Variants in PARD3B observed in about 807,000 individuals in gnomAD.
The protein encoded by PARD3B is par-3 family cell polarity regulator beta.
Under a neutral mutation model 130.2 loss-of-function variants are expected in PARD3B, and 103 were observed. That is an observed-to-expected ratio of 0.79 (90% confidence interval 0.67 to 0.93). PARD3B has a LOEUF of 0.93. Ranked by LOEUF, PARD3B falls within the 40% of genes least tolerant of loss-of-function variation. The pLI, the probability that PARD3B is intolerant of heterozygous loss-of-function variation, is 0.00. For synonymous variants in PARD3B, 583 were observed against 553.2 expected, an observed-to-expected ratio of 1.05 and a Z score of -0.76; for missense variants, 1,609 against 1,499.2, an observed-to-expected ratio of 1.07 and a Z score of -1.21.
intron 4 of PARD3B, among the ~76,000 whole-genome samples, chr2:205,058,376 A>G (rs759877977): frequency 1.3e-4 from 19 of 151,980 alleles, no homozygotes; most frequent in Non-Finnish European, 2.7e-4. Context: ...CATTTTACCT[A>G]ATATGAAAAA....
At chr2:205,579,304 A>G (rs558583212) in intron 22 of PARD3B, among the ~76,000 whole-genome samples, 1 of 152,336 alleles carries the variant, frequency 6.6e-6, no homozygotes, top group East Asian at 1.9e-4. Flanking sequence ...CTATTGTGGC[A>G]TCATCAGCTT....
chr2:204,650,074 C>G (rs1352435881), intron 1 of PARD3B, among the ~76,000 whole-genome samples: 2 of 151,750 alleles, frequency 1.3e-5, no homozygotes, highest in Non-Finnish European at 2.9e-5. Flanking sequence ...GAAAAAAAAC[C>G]CATTAAAAAG....
intron 1 of PARD3B, among the ~76,000 whole-genome samples, chr2:204,653,917 A>G (rs1362984465): frequency 6.6e-6 from 1 of 151,292 alleles, no homozygotes; most frequent in Non-Finnish European, 1.5e-5. Flanking sequence ...TCTGATGACA[A>G]CGTACACTAT....
chr2:204,612,895 T>A (rs1431276751), intron 1 of PARD3B, among the ~76,000 whole-genome samples: 2 of 152,148 alleles, frequency 1.3e-5, no homozygotes, highest in African/African-American at 4.8e-5. Flanking sequence ...AGTTCTTTTT[T>A]ATTTTTTCTT....
At chr2:204,691,975 A>C (rs923099934) in intron 2 of PARD3B, among the ~76,000 whole-genome samples, 1 of 152,158 alleles carries the variant, frequency 6.6e-6, no homozygotes, top group East Asian at 1.9e-4. Context: ...ATTTGGTAAC[A>C]TAAGGAGCAT....
chr2:204,786,113 C>CAAAA (rs56704816), intron 2 of PARD3B, among the ~76,000 whole-genome samples: 24 of 94,006 alleles, frequency 2.6e-4, no homozygotes, highest in Non-Finnish European at 4.4e-4. Context: ...GACTCCATCT[C>CAAAA]AAAAAAAAAA....
chr2:204,897,317 C>T (rs937658212), intron 2 of PARD3B, among the ~76,000 whole-genome samples: 2 of 149,722 alleles, frequency 1.3e-5, no homozygotes, highest in Non-Finnish European at 1.5e-5. Context: ...GGTAAAAAGT[C>T]GCATAAATTG....
At position 205,256,191 on chromosome 2, in the gene PARD3B, A is replaced by T. The variant is rs984651291; in HGVS notation, c.2185+10369A>T. On this transcript the variant is annotated intron_variant, in intron 16 of 22. Transcript: ENST00000406610. ...AGATCCCTCTCAGGATGTTTTTTTTAAAAAAATCTCCTTTGATCAATAGTC... is the reference window on the plus strand; with the variant it reads ...AGATCCCTCTCAGGATGTTTTTTTTTAAAAAATCTCCTTTGATCAATAGTC... 3.0e-4 allele frequency among the ~76,000 whole-genome samples: 45 copies of T among 151,894 alleles called. 1 individual carries two copies. The highest frequency in any genetic ancestry group is 1.4e-3 in the East Asian group (7 of 5,184).
At chr2:205,084,417 A>G (rs1451598067) in intron 4 of PARD3B, among the ~76,000 whole-genome samples, 1 of 151,998 alleles carries the variant, frequency 6.6e-6, no homozygotes, top group Non-Finnish European at 1.5e-5. Context: ...CTTACTACTT[A>G]TTTGAATCCC....
chr2:204,862,152 C>T (rs191660453), intron 2 of PARD3B, among the ~76,000 whole-genome samples: 72 of 152,162 alleles, frequency 4.7e-4, no homozygotes, highest in East Asian at 1.9e-3. Flanking sequence ...TTTTAGTCTA[C>T]GTATGATATC....
intron 3 of PARD3B, among the ~76,000 whole-genome samples, chr2:205,030,057 A>C (rs892042114): frequency 2.0e-4 from 30 of 152,276 alleles, no homozygotes; most frequent in African/African-American, 7.0e-4. Flanking sequence ...ATGCATCTTT[A>C]CTCTGTAATA....
chr2:204,931,918 T>C (rs539350231), intron 2 of PARD3B, among the ~76,000 whole-genome samples: 2 of 152,206 alleles, frequency 1.3e-5, no homozygotes, highest in East Asian at 1.9e-4. Flanking sequence ...ATTGCTTTGT[T>C]TTTTAAAGAC....
At chr2:205,433,986 A>G (rs1362978219) in intron 19 of PARD3B, among the ~76,000 whole-genome samples, 1 of 152,218 alleles carries the variant, frequency 6.6e-6, no homozygotes, top group East Asian at 1.9e-4. Context: ...GATTTTTGGT[A>G]AACATATGTC....
chr2:205,423,541 C>A (rs1159056930), intron 19 of PARD3B, among the ~76,000 whole-genome samples: 1 of 152,214 alleles, frequency 6.6e-6, no homozygotes, highest in African/African-American at 2.4e-5. Flanking sequence ...TATATGGTTT[C>A]TCCAGAACAA....
At chr2:204,691,014 A>T (rs1247581861) in intron 2 of PARD3B, among the ~76,000 whole-genome samples, 1 of 152,084 alleles carries the variant, frequency 6.6e-6, no homozygotes, top group Non-Finnish European at 1.5e-5. Context: ...TGTAGAAATT[A>T]TTTCAAAGTC....
chr2:204,679,059 G>A (rs754099468), intron 1 of PARD3B, among the ~76,000 whole-genome samples: 1 of 152,232 alleles, frequency 6.6e-6, no homozygotes, highest in East Asian at 1.9e-4. Context: ...AAAGGTGCTT[G>A]TTTTGTATTT....
intron 1 of PARD3B, among the ~76,000 whole-genome samples, chr2:204,592,826 GT>G (rs2033132779): frequency 6.6e-6 from 1 of 152,056 alleles, no homozygotes; most frequent in African/African-American, 2.4e-5. Flanking sequence ...GGTACTTTTG[GT>G]CCCTATGAAG....
At chr2:205,360,914 AT>A (rs1006632160) in intron 18 of PARD3B, among the ~76,000 whole-genome samples, 32 of 151,264 alleles carry the variant, frequency 2.1e-4, no homozygotes, top group African/African-American at 7.0e-4. Context: ...TGGTGTCTTT[AT>A]TTTTTTTTCT....
At chr2:204,636,251 C>G (rs2034870641) in intron 1 of PARD3B, among the ~76,000 whole-genome samples, 1 of 152,004 alleles carries the variant, frequency 6.6e-6, no homozygotes, top group Non-Finnish European at 1.5e-5. Context: ...AGAGCTGTAC[C>G]TCTGGGGAGA....
Sources: gnomAD v4.1 joint callset for allele counts (sites outside exome capture counted in the v4.1 genomes callset) on GRCh38, gnomAD v4.1.1 for gene constraint, MANE v1.5 for transcripts, NCBI Gene and HGNC (gene_info 2026-07-23, HGNC 2026-07-21) for gene names.